ACVR1: variants seen among roughly 807,000 people sequenced by gnomAD.
ACVR1 encodes activin receptor type-1.
In ACVR1, 38 loss-of-function variants were observed where a neutral mutation model predicts 57.1. That is an observed-to-expected ratio of 0.67 (90% confidence interval 0.51 to 0.87). ACVR1 has a LOEUF of 0.87. Ranked by LOEUF, ACVR1 falls within the 40% of genes least tolerant of loss-of-function variation. ACVR1 has a pLI of 0.00. For synonymous variants in ACVR1, 212 were observed against 228.1 expected, an observed-to-expected ratio of 0.93 and a Z score of 0.63; for missense variants, 463 against 638.2, an observed-to-expected ratio of 0.73 and a Z score of 2.96.
At chr2:157,795,739 A>T (rs1179282876) in intron 3 of ACVR1, among the ~76,000 whole-genome samples, 10 of 151,320 alleles carry the variant, frequency 6.6e-5, no homozygotes, top group Non-Finnish European at 4.4e-5. Context: ...AAGCAGGATT[A>T]AAAAAAAACA....
intron 1 of ACVR1, among the ~76,000 whole-genome samples, chr2:157,846,825 A>G (rs1689140689): frequency 6.6e-6 from 1 of 152,220 alleles, no homozygotes; most frequent in African/African-American, 2.4e-5. Flanking sequence ...AGAAAAGAAT[A>G]AGCTAATTCC....
intron 1 of ACVR1, among the ~76,000 whole-genome samples, chr2:157,824,507 T>G (rs997214755): frequency 6.6e-6 from 1 of 151,964 alleles, no homozygotes; most frequent in Non-Finnish European, 1.5e-5. Context: ...AAATAAATAT[T>G]ACAAAGGGCT....
At chr2:157,803,524 C>T (rs1296607144) in intron 2 of ACVR1, among the ~76,000 whole-genome samples, 3 of 152,282 alleles carry the variant, frequency 2.0e-5, no homozygotes, top group East Asian at 1.9e-4. Context: ...TTATAAGAAA[C>T]ATCAATACGC....
At chr2:157,833,415 G>A (rs1023640035) in intron 1 of ACVR1, among the ~76,000 whole-genome samples, 2 of 152,188 alleles carry the variant, frequency 1.3e-5, no homozygotes, top group African/African-American at 4.8e-5. Flanking sequence ...GCTCTCTGGT[G>A]GAAATGGAGG....
At chr2:157,768,001 T>G (rs1294175928) in intron 7 of ACVR1, among the ~76,000 whole-genome samples, 1 of 152,252 alleles carries the variant, frequency 6.6e-6, no homozygotes, top group East Asian at 1.9e-4. Flanking sequence ...CCTGTAGGTC[T>G]GATTCTAGAA....
At chr2:157,763,026 AT>A (rs1219973555) in intron 8 of ACVR1, among the ~76,000 whole-genome samples, 1 of 152,204 alleles carries the variant, frequency 6.6e-6, no homozygotes, top group Non-Finnish European at 1.5e-5. Context: ...AAGATGCTAA[AT>A]TTTACAGGTG....
chr2:157,779,912 A>C (rs1300834727), intron 4 of ACVR1, among the ~76,000 whole-genome samples: 1 of 152,230 alleles, frequency 6.6e-6, no homozygotes, highest in Non-Finnish European at 1.5e-5. Context: ...ATAAAACAGG[A>C]AAGGCATTCC....
Position 157,826,772 on chromosome 2 carries a change from AAAGG to A in ACVR1, c.-182-8217_-182-8214del, listed in dbSNP as rs1559080680. The A allele has an allele frequency of 7.0e-4, 47 of 67,104 alleles. 1 individual carries two copies. Among genetic ancestry groups the A allele is most frequent in the African/African-American group, 3.4e-3 (44 of 13,042 alleles). The allele number at this position is 67,104 out of a possible 1,614,324, so 4.2% of individuals were successfully genotyped here. On this transcript the variant is annotated intron_variant, in intron 1 of 10. Coordinates refer to ENST00000434821, the MANE Select transcript of ACVR1 (RefSeq NM_001111067.4). ...AAAGGAAAGGAAAGGAAAGGAAAGGAAAGGAAAGGAAAGGAAAGGGAAAGGGAAA... is the reference window on the plus strand; with the variant it reads ...AAAGGAAAGGAAAGGAAAGGAAAGGAAAAGGAAAGGAAAGGGAAAGGGAAA...
rs1355291270 is a variant in ACVR1, at chr2:157,759,553, A to G, written c.1264+1327T>C. Among the ~76,000 whole-genome samples the G allele has an allele frequency of 3.9e-5, 6 of 152,142 alleles. No homozygotes were observed. In the East Asian group the frequency reaches 1.2e-3, roughly 29 times the overall value. On this transcript the variant is annotated intron_variant, in intron 9 of 10. Coordinates refer to ENST00000434821, the MANE Select transcript of ACVR1 (RefSeq NM_001111067.4). ...TAGAACTTCTTCTTGAACTATTCCA[A>G]AAAATTGAAGAGGACTGAATTGTCC...
chr2:157,796,221 C>CAA (rs71404304), intron 3 of ACVR1, among the ~76,000 whole-genome samples: 3,876 of 119,654 alleles, frequency 0.032, 112 homozygotes, highest in Non-Finnish European at 0.046. Context: ...GACTCTGCCT[C>CAA]AAAAAAAAAA....
chr2:157,870,989 T>C (rs2105389409), intron 1 of ACVR1, among the ~76,000 whole-genome samples: 1 of 152,330 alleles, frequency 6.6e-6, no homozygotes, highest in East Asian at 1.9e-4. Flanking sequence ...CATCCATTCA[T>C]TCTCTCGGCA....
intron 1 of ACVR1, among the ~76,000 whole-genome samples, chr2:157,836,637 C>A (rs987216347): frequency 6.6e-6 from 1 of 152,148 alleles, no homozygotes; most frequent in Admixed American, 6.5e-5. Context: ...ATGGCTTTCC[C>A]AACCAGGAAA....
intron 5 of ACVR1, among the ~76,000 whole-genome samples, chr2:157,775,387 T>C (rs1246463978): frequency 1.3e-5 from 2 of 152,190 alleles, no homozygotes; most frequent in Non-Finnish European, 2.9e-5. Flanking sequence ...TAATAAACAA[T>C]ATTGTGCCGA....
At chr2:157,746,783 TCA>T (rs1667250631) in intron 9 of ACVR1, among the ~76,000 whole-genome samples, 1 of 152,236 alleles carries the variant, frequency 6.6e-6, no homozygotes, top group South Asian at 2.1e-4. Context: ...TATGGAAAAT[TCA>T]CACAGGGAAG....
At chr2:157,839,980 G>C (rs888374342) in intron 1 of ACVR1, among the ~76,000 whole-genome samples, 37 of 152,284 alleles carry the variant, frequency 2.4e-4, no homozygotes, top group African/African-American at 8.7e-4. Flanking sequence ...CTGAGGTGTG[G>C]TTGAAAACCA....
chr2:157,778,059 C>T, intron 5 of ACVR1, 72 bp downstream of exon 5: 1 of 1,525,430 alleles, frequency 6.6e-7, no homozygotes, highest in South Asian at 1.1e-5. Context: ...GTTAGCGTTT[C>T]ATGCTCGAAA....
intron 5 of ACVR1, among the ~76,000 whole-genome samples, chr2:157,777,612 G>A (rs775850943): frequency 6.6e-6 from 1 of 152,018 alleles, no homozygotes; most frequent in Non-Finnish European, 1.5e-5. Flanking sequence ...GGACAACACC[G>A]GTTTAACCAA....
rs577040026 is a variant in ACVR1, at chr2:157,812,391, G to A, written c.-8+5994C>T. On this transcript the variant is annotated intron_variant, in intron 2 of 10. Coordinates refer to ENST00000434821, the MANE Select transcript of ACVR1 (RefSeq NM_001111067.4). ...AGAGATAATACGAGACCAATCTGTAGGTCTGAACACCTGGTTGATGGACCC... is the reference window on the plus strand; with the variant it reads ...AGAGATAATACGAGACCAATCTGTAAGTCTGAACACCTGGTTGATGGACCC... Among the ~76,000 whole-genome samples the A allele has an allele frequency of 2.0e-5, 3 of 152,134 alleles. No homozygotes were observed. The South Asian group carries it at 6.2e-4, about 32-fold the overall frequency.
intron 2 of ACVR1, among the ~76,000 whole-genome samples, chr2:157,813,484 C>T (rs564026759): frequency 6.6e-6 from 1 of 152,272 alleles, no homozygotes; most frequent in South Asian, 2.1e-4. Flanking sequence ...GCTAGATGTA[C>T]CCATATAATG....
Sources: gnomAD v4.1 joint callset for allele counts (sites outside exome capture counted in the v4.1 genomes callset) on GRCh38, gnomAD v4.1.1 for gene constraint, MANE v1.5 for transcripts, NCBI Gene and HGNC (gene_info 2026-07-23, HGNC 2026-07-21) for gene names.